SMPDL3B: variants seen among roughly 807,000 people sequenced by gnomAD.
The protein encoded by SMPDL3B is sphingomyelin phosphodiesterase acid like 3B.
In SMPDL3B, 31 loss-of-function variants were observed where a neutral mutation model predicts 37.9. The ratio of observed to expected loss-of-function variants is 0.82; its 90% CI spans 0.61 to 1.10. SMPDL3B has a LOEUF of 1.10. Ranked by LOEUF, SMPDL3B falls within the 50% of genes least tolerant of loss-of-function variation. The pLI is 0.00. For synonymous variants in SMPDL3B, 235 were observed against 242.6 expected (o/e 0.97, Z 0.29); for missense variants, 525 against 597.8 (o/e 0.88, Z 1.27).
chr1:27,952,025 T>C (rs1002535877), intron 3 of SMPDL3B, among the ~76,000 whole-genome samples: 1 of 152,234 alleles, frequency 6.6e-6, no homozygotes, highest in Non-Finnish European at 1.5e-5. Context: ...GCATCCACTA[T>C]GGGTGAGACA....
At chr1:27,956,542 G>C in intron 7 of SMPDL3B, 1 of 1,047,034 alleles carries the variant, frequency 9.6e-7, no homozygotes, top group Non-Finnish European at 1.2e-6. Context: ...CACAGACGAG[G>C]CTCCAGCCCC....
chr1:27,944,996 G>A (rs545029234), intron 1 of SMPDL3B, among the ~76,000 whole-genome samples: 37 of 152,258 alleles, frequency 2.4e-4, no homozygotes, highest in African/African-American at 8.2e-4. Flanking sequence ...GGAGGAGGAC[G>A]GGGCCTTGCC....
At chr1:27,953,130 C>G in intron 3 of SMPDL3B, 85 bp from the exon 4 acceptor site, 1 of 1,051,266 alleles carries the variant, frequency 9.5e-7, no homozygotes, top group Non-Finnish European at 1.4e-6. Context: ...CCCTTGAGCT[C>G]TGATGGCCAG....
chr1:27,955,337 C>G (rs75443844), intron 5 of SMPDL3B, among the ~76,000 whole-genome samples: 1 of 152,192 alleles, frequency 6.6e-6, no homozygotes, highest in Non-Finnish European at 1.5e-5. Context: ...CACACAACCA[C>G]GCAAGAATGG....
At chr1:27,954,915 C>T (rs138959050) in intron 5 of SMPDL3B, among the ~76,000 whole-genome samples, 92 of 152,364 alleles carry the variant, frequency 6.0e-4, no homozygotes, top group African/African-American at 2.2e-3. Flanking sequence ...GCTGGCCTGA[C>T]AGCTCCTCAA....
Position 27,959,152 on chromosome 1 carries a change from A to G in SMPDL3B, c.*314A>G. 3.7e-6 allele frequency: 1 copy of G among 271,618 alleles called. No homozygotes were observed. Among genetic ancestry groups the G allele is most frequent in the Non-Finnish European group, 7.1e-6 (1 of 139,986 alleles). The allele number at this position is 271,618 out of a possible 1,614,324, so 16.8% of individuals were successfully genotyped here. On this transcript the variant is annotated 3_prime_UTR_variant, in exon 8 of 8. Coordinates refer to ENST00000373894, the MANE Select transcript of SMPDL3B (RefSeq NM_014474.4). ...CAAAACAAAGCTCATCATGCGTTTG[A>G]TTCTGTGTTGTGTTCCTTTTCTTTT...
At chr1:27,956,913 G>A (rs1014300522) in intron 7 of SMPDL3B, among the ~76,000 whole-genome samples, 11 of 152,066 alleles carry the variant, frequency 7.2e-5, no homozygotes, top group Non-Finnish European at 1.5e-4. Context: ...TATTGAGGGA[G>A]GGAGCCCAGT....
intron 4 of SMPDL3B, 147 bp from the exon 5 acceptor site, chr1:27,954,207 T>C: frequency 1.2e-6 from 1 of 812,190 alleles, no homozygotes; most frequent in Admixed American, 2.4e-5. Flanking sequence ...CCAGAGCCTC[T>C]GATCTTCCAG....
rs35908659 is a variant in SMPDL3B, at chr1:27,955,796, G to A, written c.803G>A (p.Arg268His). ...KYLKVVRKHH[R>H]VIAGQFFGHH... ...CTGAAGGTGGTCCGGAAGCATCATC[G>A]CGTCATAGCAGGGCAGTTCTTCGGG... The change falls in exon 6 of 8, where the codon CGC becomes CAC. Residue 268 changes from arginine to histidine, a missense_variant. Physicochemically the swap from Arg to His is conservative, Grantham distance 29 (BLOSUM62 0). Coordinates refer to ENST00000373894, the MANE Select transcript of SMPDL3B (RefSeq NM_014474.4). 7.7e-3 allele frequency: 12,439 copies of A among 1,614,112 alleles called. 49 individuals carry two copies. The highest frequency in any genetic ancestry group is 9.1e-3 in the Non-Finnish European group (10,700 of 1,180,010).
At chr1:27,955,124 G>A (rs1161156351) in intron 5 of SMPDL3B, among the ~76,000 whole-genome samples, 1 of 152,174 alleles carries the variant, frequency 6.6e-6, no homozygotes, top group Non-Finnish European at 1.5e-5. Flanking sequence ...AACCCCACCA[G>A]CTATGTGCTA....
chr1:27,958,076 G>T lies in SMPDL3B; in HGVS notation c.1006-400G>T, dbSNP rs1006536266. ...GTCTACAGTTCATAATCTCTCTCAT[G>T]CTTAGTGTTGCTCTTTTTATGTTGC... On this transcript the variant is annotated intron_variant, in intron 7 of 7. Coordinates refer to ENST00000373894, the MANE Select transcript of SMPDL3B (RefSeq NM_014474.4). The surrounding 1 kb of genome is among the most constrained non-coding windows in gnomAD (Gnocchi z 5.6). 6.6e-6 allele frequency among the ~76,000 whole-genome samples: 1 copy of T among 152,138 alleles called. No individual in the cohort carries two copies. The highest frequency in any genetic ancestry group is 2.4e-5 in the African/African-American group (1 of 41,418).
At chr1:27,949,301 G>T in intron 3 of SMPDL3B, 139 bp downstream of exon 3, 1 of 864,404 alleles carries the variant, frequency 1.2e-6, no homozygotes, top group Non-Finnish European at 1.8e-6. Flanking sequence ...GGTCTTCATG[G>T]TGACCATTTC....
At chr1:27,957,958 G>A (rs1451148017) in intron 7 of SMPDL3B, among the ~76,000 whole-genome samples, 1 of 152,308 alleles carries the variant, frequency 6.6e-6, no homozygotes, top group East Asian at 1.9e-4. Context: ...CCCGTCTGCA[G>A]TGGCCTGAAG....
intron 1 of SMPDL3B, among the ~76,000 whole-genome samples, chr1:27,937,420 G>C (rs2090319311): frequency 6.6e-6 from 1 of 152,234 alleles, no homozygotes; most frequent in African/African-American, 2.4e-5. Context: ...TGTGAACAGA[G>C]GGTATTCACT....
intron 1 of SMPDL3B, among the ~76,000 whole-genome samples, chr1:27,942,040 T>C (rs1481352467): frequency 6.6e-6 from 1 of 151,898 alleles, no homozygotes; most frequent in African/African-American, 2.4e-5. Flanking sequence ...TAAACACACA[T>C]GCATGTACAC....
At chr1:27,949,746 G>A (rs927646489) in intron 3 of SMPDL3B, among the ~76,000 whole-genome samples, 2 of 152,100 alleles carry the variant, frequency 1.3e-5, no homozygotes, top group African/African-American at 4.8e-5. Context: ...AGTCTGCACC[G>A]AAAACAACAT....
chr1:27,937,023 A>AAAACAAACAAAC (rs57607983), intron 1 of SMPDL3B, among the ~76,000 whole-genome samples: 1 of 151,166 alleles, frequency 6.6e-6, no homozygotes, highest in Non-Finnish European at 1.5e-5. Flanking sequence ...TCCGTCTCAA[A>AAAACAAACAAAC]AAACAAACAA....
In SMPDL3B at chr1:27,959,085, C is replaced by A; in HGVS notation, c.*247C>A. The A allele has an allele frequency of 1.9e-6, 1 of 523,878 alleles. No individual in the cohort carries two copies. 32.5% of individuals were successfully genotyped at this position (523,878 alleles called of 1,614,324 possible). On this transcript the variant is annotated 3_prime_UTR_variant, in exon 8 of 8. Transcript: ENST00000373894. ...CAGAAAAGAAATGACGACCCAAGAC[C>A]CCCCTACAAGCATACTTCTTTTGCG...
chr1:27,938,018 G>T (rs1382198442), intron 1 of SMPDL3B, among the ~76,000 whole-genome samples: 4 of 152,148 alleles, frequency 2.6e-5, no homozygotes, highest in Non-Finnish European at 4.4e-5. Context: ...CTGCATAAAT[G>T]CCCCTTAATC....
Sources: allele counts gnomAD v4.1 joint callset (sites outside exome capture counted in the v4.1 genomes callset), GRCh38; gene constraint gnomAD v4.1.1; non-coding constraint Gnocchi (gnomAD v3.1); transcripts MANE v1.5; gene names NCBI Gene and HGNC (gene_info 2026-07-23, HGNC 2026-07-21).